RNF19B: variants seen among roughly 807,000 people sequenced by gnomAD.
RNF19B encodes E3 ubiquitin-protein ligase RNF19B.
RNF19B carries 23 observed loss-of-function variants against 65.5 expected under a neutral mutation model. The ratio of observed to expected loss-of-function variants is 0.35; its 90% CI spans 0.25 to 0.50. RNF19B has a LOEUF of 0.50. Ranked by LOEUF, RNF19B falls within the 20% of genes least tolerant of loss-of-function variation. The pLI is 0.98. For synonymous variants in RNF19B, 372 were observed against 379.6 expected, an observed-to-expected ratio of 0.98 and a Z score of 0.23; for missense variants, 794 against 980.0, an observed-to-expected ratio of 0.81 and a Z score of 2.53.
chr1:32,963,219 T>A (rs899534223), intron 1 of RNF19B, among the ~76,000 whole-genome samples: 1 of 151,986 alleles, frequency 6.6e-6, no homozygotes, highest in Admixed American at 6.6e-5. Context: ...ACAGAACACA[T>A]AGTGCTCAGG....
In RNF19B at chr1:32,936,930, G is replaced by A. The variant is rs1032832067; in HGVS notation, c.2072C>T (p.Thr691Ile). Residue 691 changes from threonine (T) to isoleucine (I), a missense_variant, in exon 9 of 9, where the codon ACT (threonine) becomes ATT (isoleucine). Physicochemically the swap from Thr to Ile is moderately conservative, Grantham distance 89. Around this residue, in one of 3 missense-constraint regions of RNF19B, gnomAD observed 368 missense variants for 447.3 expected, o/e 0.82. Coordinates refer to ENST00000235150, the MANE Select transcript of RNF19B (RefSeq NM_001300826.2). ...SDECGSPRSH[T>I]AACPSTPRAQ... ...TCTGGGGGTCGAGGGGCAGGCTGCA[G>A]TATGGGAGCGGGGGGAGCCACACTC... 9 of 1,614,078 alleles carry A rather than the reference G, an allele frequency of 5.6e-6. No individual in the cohort carries two copies. In the Admixed American group the frequency reaches 1.5e-4, roughly 27 times the overall value.
chr1:32,950,664 G>A (rs1642472355), intron 1 of RNF19B, among the ~76,000 whole-genome samples: 1 of 151,534 alleles, frequency 6.6e-6, no homozygotes. Context: ...AGCCTCTAGA[G>A]TAGCTGGGAC....
chr1:32,955,827 A>G (rs2124174474), intron 1 of RNF19B, among the ~76,000 whole-genome samples: 1 of 151,958 alleles, frequency 6.6e-6, no homozygotes, highest in Admixed American at 6.6e-5. Context: ...CTTCTCTTCC[A>G]CGTCCCATGC....
At chr1:32,938,177 G>C (rs1325380863) in intron 8 of RNF19B, 4 of 338,768 alleles carry the variant, frequency 1.2e-5, no homozygotes. Context: ...ATACATAAAA[G>C]GAAGAAAGAA....
At chr1:32,944,183 T>G in intron 5 of RNF19B, 24 bp from the exon 6 acceptor site, 4 of 1,597,170 alleles carry the variant, frequency 2.5e-6, no homozygotes, top group Non-Finnish European at 3.4e-6. Context: ...AGGAAACATG[T>G]CAGCTGGCTA....
chr1:32,938,674 T>A, intron 7 of RNF19B, 146 bp from the exon 8 acceptor site: 1 of 766,690 alleles, frequency 1.3e-6, no homozygotes, highest in Admixed American at 2.6e-5. Flanking sequence ...CGCAAATAGA[T>A]GCCCATACAT....
intron 1 of RNF19B, 122 bp downstream of exon 1, chr1:32,963,929 C>CCCGCCGAAGCTG: frequency 7.4e-7 from 1 of 1,343,716 alleles, no homozygotes; most frequent in South Asian, 1.8e-5. Flanking sequence ...TGGTTACCAC[C>CCCGCCGAAGCTG]CCGCCGAAGC....
the RNF19B span, among the ~76,000 whole-genome samples, chr1:32,931,060 C>T: frequency 1.3e-5 from 2 of 150,700 alleles, no homozygotes; most frequent in Non-Finnish European, 2.9e-5. Context: ...TGCACTCCAG[C>T]GTAGGCAACA....
intron 4 of RNF19B, 33 bp downstream of exon 4, chr1:32,946,369 A>C (rs374195039): frequency 6.2e-7 from 1 of 1,603,238 alleles, no homozygotes; most frequent in African/African-American, 1.3e-5. Context: ...CCTAAAGTTG[A>C]AACAAGCACA....
chr1:32,944,723 CTG>C (rs756075990), intron 5 of RNF19B, among the ~76,000 whole-genome samples: 45 of 151,596 alleles, frequency 3.0e-4, no homozygotes, highest in Non-Finnish European at 5.6e-4. Context: ...GAGTCTCACT[CTG>C]TTGCCCAGGC....
intron 2 of RNF19B, among the ~76,000 whole-genome samples, chr1:32,948,927 T>G (rs774452881): frequency 1.1e-4 from 16 of 152,184 alleles, no homozygotes; most frequent in Non-Finnish European, 1.9e-4. Context: ...TTATGAACTA[T>G]CCTAATAAAA....
Position 32,964,038 on chromosome 1 carries a change from C to A in RNF19B, c.635+13G>T, listed in dbSNP as rs1432665531. The A allele has an allele frequency of 6.8e-7, 1 of 1,465,356 alleles. No homozygotes were observed. Among genetic ancestry groups the A allele is most frequent in the Non-Finnish European group, 9.0e-7 (1 of 1,110,880 alleles). The allele number at this position is 1,465,356 out of a possible 1,614,324, so 90.8% of individuals were successfully genotyped here. A position where few individuals can be genotyped will look rare whatever the true frequency, so the allele number is the denominator to read the frequency against. On this transcript the variant is annotated intron_variant, in intron 1 of 8. Coordinates refer to ENST00000235150, the MANE Select transcript of RNF19B (RefSeq NM_001300826.2). The surrounding 1 kb of genome is among the most constrained non-coding windows in gnomAD (Gnocchi z 6.5). Reference sequence around the variant, plus strand: ...GCAGCCCGCCGCCACCCGCGCCACGCCCCCGCGCTCACCCGCAGTCCGGGG... The same window carrying A: ...GCAGCCCGCCGCCACCCGCGCCACGACCCCGCGCTCACCCGCAGTCCGGGG...
chr1:32,934,904 CT>C (rs1367312784), downstream of RNF19B, among the ~76,000 whole-genome samples: 1 of 151,998 alleles, frequency 6.6e-6, no homozygotes, highest in Non-Finnish European at 1.5e-5. Context: ...GCGATCTCGG[CT>C]CACTGCAACA....
downstream of RNF19B, among the ~76,000 whole-genome samples, chr1:32,931,617 T>C (rs1032676191): frequency 6.6e-6 from 1 of 152,248 alleles, no homozygotes; most frequent in African/African-American, 2.4e-5. Context: ...TTATGTTGTA[T>C]GTAATTCAGT....
chr1:32,954,404 C>A (rs560265769), intron 1 of RNF19B, among the ~76,000 whole-genome samples: 1 of 151,966 alleles, frequency 6.6e-6, no homozygotes, highest in East Asian at 1.9e-4. Context: ...CTGGTCTGAG[C>A]TCTTGCCTCT....
intron 1 of RNF19B, among the ~76,000 whole-genome samples, chr1:32,961,978 T>A (rs942630549): frequency 6.6e-6 from 1 of 151,806 alleles, no homozygotes; most frequent in Non-Finnish European, 1.5e-5. Context: ...GTGTTTTGTT[T>A]TTTTTTTTTC....
chr1:32,947,596 T>C (rs955161974), intron 3 of RNF19B, among the ~76,000 whole-genome samples: 45 of 150,458 alleles, frequency 3.0e-4, no homozygotes, highest in African/African-American at 9.3e-4. Flanking sequence ...GAGGTGGAGG[T>C]TGCAGTGAGT....
downstream of RNF19B, among the ~76,000 whole-genome samples, chr1:32,933,009 T>A (rs935481919): frequency 6.6e-6 from 1 of 152,216 alleles, no homozygotes; most frequent in Non-Finnish European, 1.5e-5. Flanking sequence ...AGGACCAACC[T>A]GGTCATGTCA....
intron 1 of RNF19B, among the ~76,000 whole-genome samples, chr1:32,950,095 T>G (rs752568196): frequency 2.0e-5 from 3 of 152,030 alleles, no homozygotes; most frequent in Admixed American, 1.3e-4. Flanking sequence ...ACAGACTCCC[T>G]AGTAGCTGGG....
Sources: allele counts gnomAD v4.1 joint callset (sites outside exome capture counted in the v4.1 genomes callset), GRCh38; gene constraint gnomAD v4.1.1; regional missense constraint gnomAD v4.1.1; non-coding constraint Gnocchi (gnomAD v3.1); transcripts MANE v1.5; gene names NCBI Gene and HGNC (gene_info 2026-07-23, HGNC 2026-07-21).